Variants in QTMAN observed in about 807,000 individuals in gnomAD.
QTMAN encodes the protein tRNA-queuosine alpha-mannosyltransferase.
the QTMAN span, chr2:143,939,273 T>C: frequency 6.6e-6 from 1 of 152,254 alleles, no homozygotes; most frequent in Non-Finnish European, 1.5e-5. Flanking sequence ...TGTTAATTCA[T>C]GTTCTTACCA....
chr2:143,974,070 G>C, the QTMAN span, among the ~76,000 whole-genome samples: 2 of 152,176 alleles, frequency 1.3e-5, no homozygotes, highest in Non-Finnish European at 2.9e-5. Flanking sequence ...TATGATTTTA[G>C]AATAAAGCAT....
the QTMAN span, among the ~76,000 whole-genome samples, chr2:144,242,873 A>T: frequency 6.6e-6 from 1 of 150,864 alleles, no homozygotes; most frequent in East Asian, 1.9e-4. Context: ...GAGACATGAG[A>T]ATCACCTGAA....
the QTMAN span, among the ~76,000 whole-genome samples, chr2:143,981,958 G>C: frequency 6.6e-6 from 1 of 151,988 alleles, no homozygotes; most frequent in Non-Finnish European, 1.5e-5. Context: ...AAAAGAAAAA[G>C]TTCAGCCCCA....
At chr2:144,331,099 G>A in the QTMAN span, among the ~76,000 whole-genome samples, 2 of 152,090 alleles carry the variant, frequency 1.3e-5, no homozygotes, top group Non-Finnish European at 2.9e-5. Flanking sequence ...TGATTCAAGA[G>A]GTACTCCTCT....
chr2:144,222,217 G>A, the QTMAN span, among the ~76,000 whole-genome samples: 1,305 of 151,556 alleles, frequency 8.6e-3, 18 homozygotes, highest in African/African-American at 0.03. Context: ...CCGCCACCAC[G>A]CCCGGCTAAT....
At chr2:144,237,871 C>A in the QTMAN span, among the ~76,000 whole-genome samples, 4 of 152,178 alleles carry the variant, frequency 2.6e-5, no homozygotes, top group Non-Finnish European at 5.9e-5. Context: ...AAGCCAGCTG[C>A]CAGCTGCCAC....
the QTMAN span, among the ~76,000 whole-genome samples, chr2:144,320,324 A>AT: frequency 6.6e-6 from 1 of 152,128 alleles, no homozygotes; most frequent in Non-Finnish European, 1.5e-5. Context: ...GGCCTAAATT[A>AT]TTTTTTTGGT....
chr2:144,261,023 T>C, the QTMAN span, among the ~76,000 whole-genome samples: 1 of 152,174 alleles, frequency 6.6e-6, no homozygotes. Context: ...CTTCCCATTC[T>C]AGAAAAAACT....
the QTMAN span, among the ~76,000 whole-genome samples, chr2:143,980,838 G>A: frequency 1.3e-5 from 2 of 152,014 alleles, no homozygotes; most frequent in Non-Finnish European, 2.9e-5. Context: ...ATTTTCCTTC[G>A]ATATCTCTTA....
At chr2:144,254,967 T>G in the QTMAN span, among the ~76,000 whole-genome samples, 1 of 152,244 alleles carries the variant, frequency 6.6e-6, no homozygotes, top group African/African-American at 2.4e-5. Flanking sequence ...GGAATGGGTG[T>G]ATTTACCCAA....
the QTMAN span, among the ~76,000 whole-genome samples, chr2:144,117,083 A>T: frequency 6.6e-6 from 1 of 152,080 alleles, no homozygotes; most frequent in Non-Finnish European, 1.5e-5. Flanking sequence ...TATGGACAGC[A>T]CCCCGCATAC....
the QTMAN span, among the ~76,000 whole-genome samples, chr2:144,085,274 G>A: frequency 7.9e-5 from 12 of 152,176 alleles, no homozygotes; most frequent in Admixed American, 5.2e-4. Flanking sequence ...ATAGTTTTCC[G>A]AACTCTGTCC....
the QTMAN span, among the ~76,000 whole-genome samples, chr2:144,055,510 T>C: frequency 2.0e-5 from 3 of 152,234 alleles, no homozygotes; most frequent in East Asian, 5.8e-4. Context: ...GCATGGTTTT[T>C]TGAGGCTTTT....
chr2:144,183,892 T>TCC, the QTMAN span, among the ~76,000 whole-genome samples: 1 of 152,308 alleles, frequency 6.6e-6, no homozygotes, highest in South Asian at 2.1e-4. Context: ...GGCAGTGGTT[T>TCC]CCTCATACGT....
the QTMAN span, among the ~76,000 whole-genome samples, chr2:144,103,391 T>C: frequency 9.8e-5 from 15 of 152,304 alleles, no homozygotes; most frequent in African/African-American, 3.4e-4. Context: ...ATGCAACAAA[T>C]AATTCTGGAG....
chr2:144,117,897 G>T, the QTMAN span, among the ~76,000 whole-genome samples: 1 of 152,002 alleles, frequency 6.6e-6, no homozygotes, highest in Non-Finnish European at 1.5e-5. Flanking sequence ...CCAGGCTGGA[G>T]TGCAGTGGCG....
At chr2:144,285,349 T>C in the QTMAN span, among the ~76,000 whole-genome samples, 1 of 152,170 alleles carries the variant, frequency 6.6e-6, no homozygotes, top group Admixed American at 6.6e-5. Context: ...TACACTTTCA[T>C]CAACCTGCCT....
the QTMAN span, chr2:144,211,275 T>C: frequency 6.6e-6 from 1 of 152,552 alleles, no homozygotes; most frequent in East Asian, 1.9e-4. Flanking sequence ...ATTATAGCTA[T>C]AGTAGATTTC....
At chr2:144,257,586 A>G in the QTMAN span, among the ~76,000 whole-genome samples, 1 of 152,304 alleles carries the variant, frequency 6.6e-6, no homozygotes, top group South Asian at 2.1e-4. Flanking sequence ...GAGGTGAGAC[A>G]TGTCCCTCAA....
Sources: gnomAD v4.1 joint callset for allele counts (sites outside exome capture counted in the v4.1 genomes callset) on GRCh38, gnomAD v4.1.1 for gene constraint, MANE v1.5 for transcripts, NCBI Gene and HGNC (gene_info 2026-07-23, HGNC 2026-07-21) for gene names.